ANO5: variants seen among roughly 807,000 people sequenced by gnomAD.
ANO5 encodes the protein anoctamin-5.
Under a neutral mutation model 121.0 loss-of-function variants are expected in ANO5, and 109 were observed. That is an observed-to-expected ratio of 0.90 (90% CI 0.77 to 1.06). The LOEUF (loss-of-function observed/expected upper bound fraction) is 1.06. ANO5 is among the 50% of genes least tolerant of loss of function. The pLI is 0.00. For synonymous variants in ANO5, 406 were observed against 359.9 expected (o/e 1.13, Z -1.45); for missense variants, 1,064 against 1,078.5 (o/e 0.99, Z 0.19).
Position 22,193,090 on chromosome 11 carries a change from G to C in ANO5, c.-403G>C. On this transcript the variant is annotated 5_prime_UTR_variant, in exon 1 of 22. Transcript: ENST00000324559. ...AGCTGCCAGAGGGCAGGAGTGGAAA[G>C]GATCCTGGCGAGCACCGGGAGGAGT... is the stretch of plus-strand genomic sequence containing the variant. 9.3e-7 allele frequency: 1 copy of C among 1,080,758 alleles called. No homozygotes were observed. The highest frequency in any genetic ancestry group is 1.7e-5 in the African/African-American group (1 of 59,666). The allele number at this position is 1,080,758 out of a possible 1,614,324, so 66.9% of individuals were successfully genotyped here.
At chr11:22,200,591 ATGG>A (rs1223666896) in intron 1 of ANO5, among the ~76,000 whole-genome samples, 2 of 152,232 alleles carry the variant, frequency 1.3e-5, no homozygotes, top group East Asian at 1.9e-4. Context: ...AGAGTGCATG[ATGG>A]TGGAGAATAT....
At position 22,280,338 on chromosome 11, in the gene ANO5, A is replaced by G. The variant is rs1590342618; in HGVS notation, c.*573A>G. 6.6e-6 allele frequency: 1 copy of G among 152,030 alleles called. No individual in the cohort carries two copies. Among genetic ancestry groups the G allele is most frequent in the African/African-American group, 2.4e-5 (1 of 41,424 alleles). The allele number at this position is 152,030 out of a possible 1,614,324, so 9.4% of individuals were successfully genotyped here. A position where few individuals can be genotyped will look rare whatever the true frequency, so the allele number is the denominator to read the frequency against. On this transcript the variant is annotated 3_prime_UTR_variant, in exon 22 of 22. Transcript: ENST00000324559. ...TTTATTCCTAACACATTCAACTACCATCAGAATCCCAGATAGTTCTTCCTG... is the reference window on the plus strand; with the variant it reads ...TTTATTCCTAACACATTCAACTACCGTCAGAATCCCAGATAGTTCTTCCTG...
chr11:22,273,508 T>C (rs1194877281), intron 19 of ANO5, among the ~76,000 whole-genome samples: 1 of 152,140 alleles, frequency 6.6e-6, no homozygotes, highest in East Asian at 1.9e-4. Flanking sequence ...ATTGAAATCA[T>C]AGAGCTTAAT....
At chr11:22,268,369 T>A (rs1192878683) in intron 17 of ANO5, among the ~76,000 whole-genome samples, 1 of 152,068 alleles carries the variant, frequency 6.6e-6, no homozygotes, top group Non-Finnish European at 1.5e-5. Context: ...TACATATAGG[T>A]CTTATAAATC....
In ANO5 at chr11:22,236,254, C is replaced by T. The variant is rs757894763; in HGVS notation, c.740C>T (p.Ser247Leu). The part of the protein sequence containing the change: ...IERLLNSNTY[S>L]SAYPLHDGQY... ...AGACTGCTAAACTCTAACACTTACT[C>T]ATCTGCCTATCCACTCCATGATGTA... The change falls in exon 8 of 22, where the codon TCA becomes TTA. Residue 247 changes from serine to leucine, a missense_variant. Physicochemically the swap from Ser to Leu is moderately radical, Grantham distance 145. Coordinates refer to ENST00000324559, the MANE Select transcript of ANO5 (RefSeq NM_213599.3). 6.2e-7 allele frequency: 1 copy of T among 1,612,326 alleles called. No homozygotes were observed. Among genetic ancestry groups the T allele is most frequent in the South Asian group, 1.1e-5 (1 of 91,036 alleles).
chr11:22,264,432 G>A, intron 17 of ANO5, among the ~76,000 whole-genome samples: 1 of 151,150 alleles, frequency 6.6e-6, no homozygotes, highest in Non-Finnish European at 1.5e-5. Context: ...CACAGAGAGG[G>A]AGAGAGACAA....
intron 8 of ANO5, among the ~76,000 whole-genome samples, chr11:22,238,627 T>A (rs1037796171): frequency 6.6e-6 from 1 of 152,136 alleles, no homozygotes; most frequent in Non-Finnish European, 1.5e-5. Flanking sequence ...TAAGATTCAG[T>A]TGGATTACCT....
rs545101053 is a variant in ANO5, at chr11:22,274,716, C to A, written c.2383C>A (p.Pro795Thr). 4 of 1,613,340 alleles carry A rather than the reference C, an allele frequency of 2.5e-6. No individual in the cohort carries two copies. The highest frequency in any genetic ancestry group is 3.4e-6 in the Non-Finnish European group (4 of 1,179,580). ...AGCTGATTTTCCAAACCACACTGCACCTTCGGAAAAACGAGACTTCATCAC... is the reference window on the plus strand; with the variant it reads ...AGCTGATTTTCCAAACCACACTGCAACTTCGGAAAAACGAGACTTCATCAC... ...LIADFPNHTA[P>T]SEKRDFITCR... The change falls in exon 20 of 22, where the codon CCT (proline) becomes ACT (threonine). Residue 795 changes from proline to threonine, a missense_variant. Physicochemically the swap from Pro to Thr is conservative, Grantham distance 38 (BLOSUM62 -1). Coordinates refer to ENST00000324559, the MANE Select transcript of ANO5 (RefSeq NM_213599.3).
chr11:22,218,273 A>G lies in ANO5; in HGVS notation c.166A>G (p.Arg56Gly), dbSNP rs1852528791. Reference sequence around the variant, plus strand: ...TGCAAAGCGATTCAATTTGTTCCTGAGGCGGCGGCTTATGGTAAAACCAGT... The same window carrying G: ...TGCAAAGCGATTCAATTTGTTCCTGGGGCGGCGGCTTATGGTAAAACCAGT... ...MPAKRFNLFL[R>G]RRLMFQKNQQ... Residue 56 changes from arginine (R) to glycine (G), a missense_variant, in exon 4 of 22, where the codon AGG becomes GGG. Arg to Gly is a moderately radical substitution (Grantham distance 125). Transcript: ENST00000324559. The G allele has an allele frequency of 6.2e-7, 1 of 1,613,264 alleles. No homozygotes were observed. The highest frequency in any genetic ancestry group is 1.1e-5 in the South Asian group (1 of 91,078).
At chr11:22,203,054 GCT>G (rs1852010186) in intron 1 of ANO5, among the ~76,000 whole-genome samples, 1 of 151,954 alleles carries the variant, frequency 6.6e-6, no homozygotes, top group African/African-American at 2.4e-5. Flanking sequence ...CTTGTTCTGG[GCT>G]CTCTGTTCAG....
intron 2 of ANO5, among the ~76,000 whole-genome samples, chr11:22,205,557 TAAAATAAAATAAAATAAATAAAAG>T (rs2133528572): frequency 7.1e-6 from 1 of 141,108 alleles, no homozygotes; most frequent in South Asian, 2.1e-4. Flanking sequence ...TAAAATAAAA[TAAAATAAAATAAAATAAATAAAAG>T]GAAAGTAGAG....
intron 9 of ANO5, among the ~76,000 whole-genome samples, chr11:22,242,318 G>A (rs756990907): frequency 1.3e-5 from 2 of 152,178 alleles, no homozygotes; most frequent in Non-Finnish European, 2.9e-5. Context: ...GTAGTGTGAT[G>A]CTTCCAGTTG....
At chr11:22,244,360 T>C (rs184313222) in intron 9 of ANO5, among the ~76,000 whole-genome samples, 83 of 152,238 alleles carry the variant, frequency 5.5e-4, no homozygotes, top group African/African-American at 2.0e-3. Context: ...TTGAACTTGG[T>C]GAATCTGATG....
chr11:22,216,796 T>C (rs1480932415), intron 3 of ANO5, among the ~76,000 whole-genome samples: 1 of 151,836 alleles, frequency 6.6e-6, no homozygotes, highest in African/African-American at 2.4e-5. Context: ...AAGATTTTCT[T>C]CAGTTTTATA....
intron 9 of ANO5, among the ~76,000 whole-genome samples, chr11:22,246,178 G>T (rs1037303956): frequency 2.0e-5 from 3 of 151,998 alleles, no homozygotes; most frequent in Non-Finnish European, 4.4e-5. Flanking sequence ...CTTATCTCAG[G>T]CTGCCACTTC....
At chr11:22,202,161 T>TTAAAA (rs1376883912) in intron 1 of ANO5, among the ~76,000 whole-genome samples, 2 of 151,824 alleles carry the variant, frequency 1.3e-5, no homozygotes, top group Non-Finnish European at 2.9e-5. Flanking sequence ...AATCTGCTTT[T>TTAAAA]TAAAATAAAA....
chr11:22,251,850 C>G (rs1382969465), intron 12 of ANO5, among the ~76,000 whole-genome samples: 1 of 151,426 alleles, frequency 6.6e-6, no homozygotes, highest in Non-Finnish European at 1.5e-5. Flanking sequence ...CACGGTGAAA[C>G]CCCGTCTCTA....
At chr11:22,196,198 G>A (rs1851805144) in intron 1 of ANO5, among the ~76,000 whole-genome samples, 1 of 152,084 alleles carries the variant, frequency 6.6e-6, no homozygotes, top group Non-Finnish European at 1.5e-5. Context: ...GCATGGTATT[G>A]GCATCTGACA....
Position 22,255,350 on chromosome 11 carries a change from T to A in ANO5, c.1181-21T>A, listed in dbSNP as rs114582774. 2,964 of 1,538,260 alleles carry A rather than the reference T, an allele frequency of 1.9e-3. 53 individuals are homozygous for A. In the African/African-American group the frequency reaches 0.034, roughly 18 times the overall value. Reference sequence around the variant, plus strand: ...TTTAACTTTTTTAATATCTTTTTTTTATATATTTATTTACCTATAGTCACC... The same window carrying A: ...TTTAACTTTTTTAATATCTTTTTTTAATATATTTATTTACCTATAGTCACC... On this transcript the variant is annotated intron_variant, in intron 12 of 21. Coordinates refer to ENST00000324559, the MANE Select transcript of ANO5 (RefSeq NM_213599.3).
Sources: allele counts gnomAD v4.1 joint callset (sites outside exome capture counted in the v4.1 genomes callset), GRCh38; gene constraint gnomAD v4.1.1; transcripts MANE v1.5; gene names NCBI Gene and HGNC (gene_info 2026-07-23, HGNC 2026-07-21).